The following ZNF397 variants were observed in gnomAD, a reference collection of about 807,000 sequenced individuals.
ZNF397 encodes the protein zinc finger protein 397, also known as zinc finger and SCAN domain-containing protein 15.
A neutral mutation model predicts 50.6 loss-of-function variants in ZNF397; 38 were observed. The observed-to-expected ratio is 0.75, with a 90% confidence interval of 0.58 to 0.98. ZNF397 has a LOEUF of 0.98. Ranked by LOEUF, ZNF397 falls within the 50% of genes least tolerant of loss-of-function variation. The pLI is 0.00. For synonymous variants in ZNF397, 228 were observed against 215.2 expected, an observed-to-expected ratio of 1.06 and a Z score of -0.52; for missense variants, 624 against 624.1, an observed-to-expected ratio of 1.00 and a Z score of 0.00.
Position 35,241,087 on chromosome 18 carries a change from C to T in ZNF397, c.-103C>T, listed in dbSNP as rs180677696. The T allele has an allele frequency of 5.9e-4, 90 of 152,458 alleles. No homozygotes were observed. Among genetic ancestry groups the T allele is most frequent in the Admixed American group, 1.7e-3 (26 of 15,284 alleles). 9.4% of individuals were successfully genotyped at this position (152,458 alleles called of 1,614,324 possible). On this transcript the variant is annotated 5_prime_UTR_variant, in exon 1 of 4. Coordinates refer to ENST00000330501, the MANE Select transcript of ZNF397 (RefSeq NM_001135178.3). Reference sequence around the variant, plus strand: ...GCAGCTCGGGGTGGGTGGCTCATTTCCTGGCCGCTCCTGGGCTTCGCGGTG... The same window carrying T: ...GCAGCTCGGGGTGGGTGGCTCATTTTCTGGCCGCTCCTGGGCTTCGCGGTG...
intron 3 of ZNF397, 31 bp from the exon 4 acceptor site, chr18:35,245,231 A>G (rs758491628): frequency 1.1e-5 from 17 of 1,545,478 alleles, no homozygotes; most frequent in African/African-American, 1.4e-5. Context: ...GAGAAATGTA[A>G]TATCTGTTTT....
At chr18:35,243,445 C>A in intron 3 of ZNF397, 152 bp downstream of exon 3, 1 of 1,031,924 alleles carries the variant, frequency 9.7e-7, no homozygotes, top group Non-Finnish European at 1.5e-6. Flanking sequence ...TTTGTATTCA[C>A]CCCTCATGAA....
intron 5 of ZNF397, chr18:35,257,802 A>G: frequency 1.3e-6 from 1 of 758,650 alleles, no homozygotes; most frequent in South Asian, 1.4e-5. Context: ...ACAACTCTGC[A>G]GTGCAATTAT....
chr18:35,253,358 TTCTGC>T, downstream of ZNF397: 4 of 1,045,970 alleles, frequency 3.8e-6, no homozygotes, highest in Non-Finnish European at 5.5e-6. Context: ...AGGACAGAAG[TTCTGC>T]TCTCAGGAAA....
chr18:35,242,904 A>G lies in ZNF397; in HGVS notation c.414+20A>G. Reference sequence around the variant, plus strand: ...CAGCAGGTGGGAACGGAGAAAAGTGATGTGGGAAAAGGAATTTACAGCCTG... The same window carrying G: ...CAGCAGGTGGGAACGGAGAAAAGTGGTGTGGGAAAAGGAATTTACAGCCTG... On this transcript the variant is annotated intron_variant, in intron 2 of 3. Transcript: ENST00000330501. The G allele has an allele frequency of 5.1e-6, 8 of 1,577,152 alleles. No homozygotes were observed. The highest frequency in any genetic ancestry group is 6.0e-6 in the Non-Finnish European group (7 of 1,163,276).
chr18:35,244,841 GA>G (rs1912813226), intron 3 of ZNF397, among the ~76,000 whole-genome samples: 1 of 152,156 alleles, frequency 6.6e-6, no homozygotes, highest in Admixed American at 6.5e-5. Context: ...AAAGGCTGCA[GA>G]CAACTCTTTC....
intron 1 of ZNF397, chr18:35,241,577 A>C (rs1312299986): frequency 6.6e-6 from 1 of 152,252 alleles, no homozygotes; most frequent in African/African-American, 2.4e-5. Context: ...ATTTGTTACC[A>C]TATTTTGCTT....
chr18:35,255,402 G>A (rs1042327363), intron 5 of ZNF397, among the ~76,000 whole-genome samples: 1 of 151,854 alleles, frequency 6.6e-6, no homozygotes, highest in Non-Finnish European at 1.5e-5. Flanking sequence ...CCCTCTAAAT[G>A]TATATGCATT....
chr18:35,256,542 G>A (rs2043824635), intron 5 of ZNF397, among the ~76,000 whole-genome samples: 1 of 151,094 alleles, frequency 6.6e-6, no homozygotes, highest in South Asian at 2.1e-4. Flanking sequence ...GAACAAGACT[G>A]TCTCAAAAAG....
In ZNF397 at chr18:35,247,093, T is replaced by C; in HGVS notation, c.*783T>C. 1.0e-6 allele frequency: 1 copy of C among 985,506 alleles called. No individual in the cohort carries two copies. The highest frequency in any genetic ancestry group is 1.2e-6 in the Non-Finnish European group (1 of 830,006). 61.0% of individuals were successfully genotyped at this position (985,506 alleles called of 1,614,324 possible). A position where few individuals can be genotyped will look rare whatever the true frequency, so the allele number is the denominator to read the frequency against. On this transcript the variant is annotated 3_prime_UTR_variant, in exon 4 of 4. Transcript: ENST00000330501. ...GAAGTGGTACCCCAGTAAAGAACAG[T>C]AGCCAAAGGCCAGAAACAAAGTGTG...
Position 35,242,754 on chromosome 18 carries a change from T to C in ZNF397, c.284T>C (p.Leu95Pro). 1 of 1,614,202 alleles carries C rather than the reference T, an allele frequency of 6.2e-7. No individual in the cohort carries two copies. Among genetic ancestry groups the C allele is most frequent in the African/African-American group, 1.3e-5 (1 of 75,056 alleles). The part of the protein sequence containing the change: ...TKEQILELLV[L>P]EQFLSILPEE... Reference sequence around the variant, plus strand: ...GAGCAGATCTTAGAACTGCTGGTACTGGAGCAGTTCCTGAGCATTCTGCCT... The same window carrying C: ...GAGCAGATCTTAGAACTGCTGGTACCGGAGCAGTTCCTGAGCATTCTGCCT... The change falls in exon 2 of 4, where the codon CTG becomes CCG. Residue 95 changes from leucine to proline, a missense_variant. Physicochemically the swap from Leu to Pro is moderately conservative, Grantham distance 98 (BLOSUM62 -3). Coordinates refer to ENST00000330501, the MANE Select transcript of ZNF397 (RefSeq NM_001135178.3).
In ZNF397 at chr18:35,247,267, C is replaced by G. The variant is rs574292882; in HGVS notation, c.*957C>G. The G allele has an allele frequency of 2.5e-6, 2 of 786,970 alleles. No individual in the cohort carries two copies. The highest frequency in any genetic ancestry group is 3.1e-6 in the Non-Finnish European group (2 of 648,582). 48.7% of individuals were successfully genotyped at this position (786,970 alleles called of 1,614,324 possible). On this transcript the variant is annotated 3_prime_UTR_variant, in exon 4 of 4. Transcript: ENST00000330501. ...GCCACAGGGTAGTCAAGAGCTTTGTCTTGGTTTATGTGACCCCAGGGAAAG... is the reference window on the plus strand; with the variant it reads ...GCCACAGGGTAGTCAAGAGCTTTGTGTTGGTTTATGTGACCCCAGGGAAAG...
At position 35,248,451 on chromosome 18, in the gene ZNF397, A is replaced by G. The variant is rs2043517715; in HGVS notation, c.*2141A>G. 1 of 152,226 alleles carries G rather than the reference A, an allele frequency of 6.6e-6. No homozygotes were observed. Among genetic ancestry groups the G allele is most frequent in the Non-Finnish European group, 1.5e-5 (1 of 68,044 alleles). The allele number at this position is 152,226 out of a possible 1,614,324, so 9.4% of individuals were successfully genotyped here. A position where few individuals can be genotyped will look rare whatever the true frequency, so the allele number is the denominator to read the frequency against. On this transcript the variant is annotated 3_prime_UTR_variant, in exon 4 of 4. Transcript: ENST00000330501. ...TTGTTTTTCTCCTTTTCCATAGATAAAGACCTGAACAAACTGAAAAGGTAG... is the reference window on the plus strand; with the variant it reads ...TTGTTTTTCTCCTTTTCCATAGATAGAGACCTGAACAAACTGAAAAGGTAG...
intron 2 of ZNF397, 76 bp from the exon 3 acceptor site, chr18:35,243,076 A>C: frequency 6.3e-7 from 1 of 1,598,280 alleles, no homozygotes; most frequent in Non-Finnish European, 8.5e-7. Context: ...GTCATCATTG[A>C]CCTCTTTGAG....
chr18:35,247,996 A>G lies in ZNF397; in HGVS notation c.*1686A>G, dbSNP rs191371674. The G allele has an allele frequency of 7.2e-5, 11 of 152,288 alleles. No individual in the cohort carries two copies. Among genetic ancestry groups the G allele is most frequent in the Non-Finnish European group, 1.2e-4 (8 of 68,024 alleles). The allele number at this position is 152,288 out of a possible 1,614,324, so 9.4% of individuals were successfully genotyped here. ...TCTTTTGCAAATTTTATTAAAGACA[A>G]TGCTAAAAGGAAGTGACAACTGAAA... On this transcript the variant is annotated 3_prime_UTR_variant, in exon 4 of 4. Transcript: ENST00000330501.
chr18:35,242,925 G>A, intron 2 of ZNF397, 41 bp downstream of exon 2: 1 of 1,561,164 alleles, frequency 6.4e-7, no homozygotes, highest in Non-Finnish European at 8.6e-7. Flanking sequence ...GGAATTTACA[G>A]CCTGGAGCAT....
Position 35,249,116 on chromosome 18 carries a change from C to T in ZNF397, c.*2806C>T, listed in dbSNP as rs557860427. On this transcript the variant is annotated 3_prime_UTR_variant, in exon 4 of 4. Coordinates refer to ENST00000330501, the MANE Select transcript of ZNF397 (RefSeq NM_001135178.3). ...GTGCCAATGAACAATAAATGTTCAA[C>T]CTCACTACAGTTAAAATGTATATTA... is the stretch of plus-strand genomic sequence containing the variant. 2.0e-5 allele frequency: 3 copies of T among 152,236 alleles called. No homozygotes were observed. In the South Asian group the frequency reaches 6.2e-4, roughly 32 times the overall value. 9.4% of individuals were successfully genotyped at this position (152,236 alleles called of 1,614,324 possible).
At chr18:35,252,160 T>C (rs984375790), downstream of ZNF397, 2 of 152,248 alleles carry the variant, frequency 1.3e-5, no homozygotes, top group Non-Finnish European at 1.5e-5. Context: ...TTCCTACTTA[T>C]AATCACTGAG....
downstream of ZNF397, chr18:35,252,814 C>G (rs763331253): frequency 3.3e-5 from 5 of 152,486 alleles, no homozygotes; most frequent in Non-Finnish European, 5.9e-5. Flanking sequence ...AGGTCTACCT[C>G]AATGCCTAGC....
Sources: gnomAD v4.1 joint callset for allele counts (sites outside exome capture counted in the v4.1 genomes callset) on GRCh38, gnomAD v4.1.1 for gene constraint, MANE v1.5 for transcripts, NCBI Gene and HGNC (gene_info 2026-07-23, HGNC 2026-07-21) for gene names.